Variants in NOVA1 observed in about 807,000 individuals in gnomAD.
NOVA1 encodes the protein NOVA alternative splicing regulator 1, also known as RNA-binding protein Nova-1.
A neutral mutation model predicts 38.0 loss-of-function variants in NOVA1; 7 were observed. That is an observed-to-expected ratio of 0.18 (90% CI 0.10 to 0.35). The LOEUF (loss-of-function observed/expected upper bound fraction) is 0.35. NOVA1 is among the 10% of genes least tolerant of loss of function. The pLI is 1.00. For missense variants in NOVA1, 460 were observed against 616.0 expected (o/e 0.75, Z 2.68); for synonymous variants, 270 against 232.5 (o/e 1.16, Z -1.47).
At chr14:26,467,146 T>G (rs1279382339) in intron 4 of NOVA1, among the ~76,000 whole-genome samples, 1 of 151,978 alleles carries the variant, frequency 6.6e-6, no homozygotes, top group African/African-American at 2.4e-5. Context: ...CACCATTAAG[T>G]AGATAAAAAT....
intron 2 of NOVA1, among the ~76,000 whole-genome samples, chr14:26,557,797 C>T (rs547394737): frequency 6.6e-5 from 10 of 152,094 alleles, no homozygotes; most frequent in South Asian, 2.1e-4. Flanking sequence ...TATGCCTACA[C>T]GAAAACTTGC....
chr14:26,480,034 T>C lies in NOVA1; in HGVS notation c.390A>G (p.Thr130=), dbSNP rs1381771976. 4 of 1,614,016 alleles carry C rather than the reference T, an allele frequency of 2.5e-6. No homozygotes were observed. The highest frequency in any genetic ancestry group is 3.4e-6 in the Non-Finnish European group (4 of 1,180,014). ...IREMPQNVAK[T]EPVSILQPQT... ...GGGGTTGTAGAATGCTGACTGGTTC[T>C]GTCTTGGCCACATTTTGGGGCATTT... The change falls in exon 3 of 5, where the codon ACA becomes ACG. Residue 130 remains threonine, a synonymous_variant. Coordinates refer to ENST00000539517, the MANE Select transcript of NOVA1 (RefSeq NM_002515.3).
intron 2 of NOVA1, among the ~76,000 whole-genome samples, chr14:26,542,066 G>A (rs1890497861): frequency 6.6e-6 from 1 of 151,790 alleles, no homozygotes; most frequent in Non-Finnish European, 1.5e-5. Flanking sequence ...ATATTAAAAT[G>A]TCACCAGTCA....
At chr14:26,451,467 A>T (rs891462138) in intron 4 of NOVA1, among the ~76,000 whole-genome samples, 1 of 152,118 alleles carries the variant, frequency 6.6e-6, no homozygotes, top group Non-Finnish European at 1.5e-5. Flanking sequence ...TCCCGGGTTC[A>T]AGCGATTCTC....
At chr14:26,472,224 G>C (rs778345781) in intron 4 of NOVA1, 96 bp downstream of exon 4, 107 of 752,252 alleles carry the variant, frequency 1.4e-4, no homozygotes, top group Middle Eastern at 6.8e-4. Context: ...ATATGTGAAT[G>C]AACGAATAAA....
chr14:26,578,815 A>G (rs2138755836), intron 2 of NOVA1, among the ~76,000 whole-genome samples: 1 of 152,256 alleles, frequency 6.6e-6, no homozygotes, highest in East Asian at 1.9e-4. Context: ...AAAGACAGTG[A>G]TAACCTTTAG....
chr14:26,547,239 T>C (rs929941783), intron 2 of NOVA1, among the ~76,000 whole-genome samples: 1 of 152,098 alleles, frequency 6.6e-6, no homozygotes, highest in Non-Finnish European at 1.5e-5. Context: ...CCTTTCACAG[T>C]ATGAGGAAGG....
intron 2 of NOVA1, among the ~76,000 whole-genome samples, chr14:26,536,922 T>A (rs1890139441): frequency 6.6e-6 from 1 of 152,084 alleles, no homozygotes; most frequent in Admixed American, 6.6e-5. Context: ...ACACTACTAC[T>A]AGGAGAGTAA....
chr14:26,586,767 C>T (rs1046303867), intron 2 of NOVA1, among the ~76,000 whole-genome samples: 2 of 151,056 alleles, frequency 1.3e-5, no homozygotes, highest in African/African-American at 2.4e-5. Flanking sequence ...GCTACATGCT[C>T]CAGGCAATAT....
intron 2 of NOVA1, among the ~76,000 whole-genome samples, chr14:26,537,051 A>G (rs1890148932): frequency 6.6e-6 from 1 of 152,268 alleles, no homozygotes; most frequent in South Asian, 2.1e-4. Flanking sequence ...AGAATTTATC[A>G]TAATGGAGGT....
chr14:26,596,489 T>C (rs1019005973), intron 1 of NOVA1: 8 of 1,220,734 alleles, frequency 6.6e-6, no homozygotes, highest in Non-Finnish European at 6.5e-6. Flanking sequence ...GCTTTCTTAA[T>C]GTGAATGAAT....
At chr14:26,466,797 TCTC>T (rs1189797806) in intron 4 of NOVA1, among the ~76,000 whole-genome samples, 2 of 152,154 alleles carry the variant, frequency 1.3e-5, no homozygotes, top group Non-Finnish European at 2.9e-5. Flanking sequence ...TTTTCTCTCT[TCTC>T]CTCTTCTGCC....
chr14:26,539,592 A>G (rs992234198), intron 2 of NOVA1, among the ~76,000 whole-genome samples: 1 of 142,202 alleles, frequency 7.0e-6, no homozygotes, highest in African/African-American at 2.4e-5. Flanking sequence ...ATATATACAC[A>G]TAGATACTAA....
Position 26,560,106 on chromosome 14 carries a change from G to A in NOVA1, c.280+35304C>T, listed in dbSNP as rs573498326. On this transcript the variant is annotated intron_variant, in intron 2 of 4. Coordinates refer to ENST00000539517, the MANE Select transcript of NOVA1 (RefSeq NM_002515.3). ...TTAAAGACAGATCACACACCAAACT[G>A]ATATCATGACTCTAAGACTATCTCC... Among the ~76,000 whole-genome samples the A allele has an allele frequency of 2.6e-5, 4 of 152,008 alleles. 1 individual carries two copies. In the South Asian group the frequency reaches 8.3e-4, roughly 31 times the overall value.
intron 2 of NOVA1, among the ~76,000 whole-genome samples, chr14:26,510,024 T>G (rs370018973): frequency 1.1e-4 from 16 of 152,070 alleles, no homozygotes; most frequent in African/African-American, 3.1e-4. Context: ...CATAAGAGAA[T>G]AGAGTCAAGG....
At chr14:26,471,881 G>A (rs1884614144) in intron 4 of NOVA1, 1 of 178,996 alleles carries the variant, frequency 5.6e-6, no homozygotes, top group Admixed American at 6.2e-5. Flanking sequence ...ACATCATAAG[G>A]CATGTCTCAA....
intron 2 of NOVA1, among the ~76,000 whole-genome samples, chr14:26,565,017 T>C (rs1274353456): frequency 6.6e-6 from 1 of 152,178 alleles, no homozygotes; most frequent in Non-Finnish European, 1.5e-5. Flanking sequence ...GTAATGACTC[T>C]GTGTGGGAAA....
intron 2 of NOVA1, among the ~76,000 whole-genome samples, chr14:26,489,282 GAAGAC>G (rs752242154): frequency 2.6e-5 from 4 of 152,112 alleles, no homozygotes; most frequent in African/African-American, 9.6e-5. Context: ...AAATTCAACT[GAAGAC>G]AAGGCCTGCA....
At chr14:26,481,804 A>C (rs942048523) in intron 2 of NOVA1, among the ~76,000 whole-genome samples, 2 of 151,998 alleles carry the variant, frequency 1.3e-5, no homozygotes, top group Admixed American at 6.6e-5. Context: ...GAGTCTTTAC[A>C]AGGTTGTATT....
Sources: gnomAD v4.1 joint callset for allele counts (sites outside exome capture counted in the v4.1 genomes callset) on GRCh38, gnomAD v4.1.1 for gene constraint, MANE v1.5 for transcripts, NCBI Gene and HGNC (gene_info 2026-07-23, HGNC 2026-07-21) for gene names.